The following ASB3 variants were observed in gnomAD, a reference collection of about 807,000 sequenced individuals.
ASB3 encodes the protein ankyrin repeat and SOCS box protein 3.
A neutral mutation model predicts 54.5 loss-of-function variants in ASB3; 41 were observed. The ratio of observed to expected loss-of-function variants is 0.75; its 90% CI spans 0.59 to 0.98. The LOEUF (loss-of-function observed/expected upper bound fraction) is 0.98, where lower values mean the gene tolerates loss of function less well. ASB3 is among the 50% of genes least tolerant of loss of function. The probability of loss-of-function intolerance (pLI) is 0.00; values close to 1 mark genes in which losing one functional copy is unlikely to be tolerated. For missense variants in ASB3, 733 were observed against 620.0 expected, an observed-to-expected ratio of 1.18 and a Z score of -1.94; for synonymous variants, 266 against 221.2, an observed-to-expected ratio of 1.20 and a Z score of -1.80.
Position 53,670,709 on chromosome 2 carries a change from C to G in ASB3, c.1370-19G>C. ...ACAGTGGCTGGAGAAACAAAAAAAG[C>G]AAGGTGAAACTTTTTTAAACAGAAA... On this transcript the variant is annotated intron_variant, in intron 9 of 9. Transcript: ENST00000263634. 6.3e-7 allele frequency: 1 copy of G among 1,588,118 alleles called. No homozygotes were observed. The highest frequency in any genetic ancestry group is 8.6e-7 in the Non-Finnish European group (1 of 1,169,340).
At chr2:53,747,438 C>T (rs555125430) in intron 3 of ASB3, among the ~76,000 whole-genome samples, 3 of 151,904 alleles carry the variant, frequency 2.0e-5, no homozygotes, top group Non-Finnish European at 4.4e-5. Flanking sequence ...CCCAGCTACT[C>T]GGGAGGCTGA....
intron 1 of ASB3, chr2:53,774,177 A>G: frequency 1.2e-6 from 2 of 1,612,264 alleles, no homozygotes; most frequent in Non-Finnish European, 8.5e-7. Context: ...GATTGCCAGT[A>G]GGAAAGGAAG....
intron 3 of ASB3, among the ~76,000 whole-genome samples, chr2:53,737,498 G>A (rs1671706453): frequency 6.6e-6 from 1 of 152,098 alleles, no homozygotes; most frequent in Admixed American, 6.6e-5. Context: ...CATGTACAAG[G>A]TAAGGCAAAT....
At chr2:53,728,444 C>A (rs1028703401) in intron 5 of ASB3, among the ~76,000 whole-genome samples, 9 of 152,236 alleles carry the variant, frequency 5.9e-5, no homozygotes, top group Admixed American at 2.0e-4. Flanking sequence ...GAAAGGACAG[C>A]CCCATCATTC....
intron 2 of ASB3, among the ~76,000 whole-genome samples, chr2:53,758,333 G>A (rs1381881687): frequency 6.6e-6 from 1 of 152,160 alleles, no homozygotes; most frequent in Non-Finnish European, 1.5e-5. Context: ...TTAATCCGGG[G>A]CAACAAAAAG....
At chr2:53,756,677 TC>T (rs1672846215) in intron 2 of ASB3, among the ~76,000 whole-genome samples, 1 of 152,140 alleles carries the variant, frequency 6.6e-6, no homozygotes, top group African/African-American at 2.4e-5. Context: ...GTATGGGAGC[TC>T]TGTTTTCACT....
intron 3 of ASB3, among the ~76,000 whole-genome samples, chr2:53,731,262 C>T (rs1255378590): frequency 2.0e-5 from 3 of 152,172 alleles, no homozygotes; most frequent in South Asian, 4.1e-4. Context: ...ATTAGCTGGG[C>T]ATGGTGGCAC....
chr2:53,767,734 T>C (rs1247579034), intron 1 of ASB3: 3 of 851,244 alleles, frequency 3.5e-6, no homozygotes, highest in Admixed American at 2.9e-5. Context: ...GGAAAATCTT[T>C]CTGGATCTAA....
chr2:53,721,156 A>G (rs1198030861), intron 5 of ASB3, among the ~76,000 whole-genome samples: 1 of 150,850 alleles, frequency 6.6e-6, no homozygotes, highest in Non-Finnish European at 1.5e-5. Context: ...AAATAAATAA[A>G]TAAATAAACT....
intron 3 of ASB3, among the ~76,000 whole-genome samples, chr2:53,739,969 C>A (rs1185038252): frequency 6.6e-6 from 1 of 152,224 alleles, no homozygotes; most frequent in Non-Finnish European, 1.5e-5. Flanking sequence ...CCACCACACC[C>A]AGCCTAGTCT....
At chr2:53,740,268 G>T (rs918193340) in intron 3 of ASB3, among the ~76,000 whole-genome samples, 1 of 152,032 alleles carries the variant, frequency 6.6e-6, no homozygotes, top group Admixed American at 6.6e-5. Flanking sequence ...GCTAGTTTAT[G>T]TAAAACTTTT....
intron 3 of ASB3, among the ~76,000 whole-genome samples, chr2:53,730,339 A>G (rs1047254972): frequency 2.0e-5 from 3 of 152,186 alleles, no homozygotes; most frequent in African/African-American, 4.8e-5. Flanking sequence ...CTACTGAGTG[A>G]CTTCTTTAAA....
At chr2:53,692,874 T>G (rs565976511) in intron 9 of ASB3, among the ~76,000 whole-genome samples, 2 of 152,276 alleles carry the variant, frequency 1.3e-5, no homozygotes, top group South Asian at 4.1e-4. Context: ...ACATTATCAT[T>G]AAAGAAATTC....
intron 2 of ASB3, chr2:53,763,453 T>C (rs1473372530): frequency 5.9e-6 from 1 of 169,314 alleles, no homozygotes; most frequent in Non-Finnish European, 1.5e-5. Flanking sequence ...ATTTGTAGGA[T>C]GTGGAACCCA....
intron 5 of ASB3, among the ~76,000 whole-genome samples, chr2:53,721,731 T>C (rs992069150): frequency 2.0e-5 from 3 of 152,132 alleles, no homozygotes; most frequent in Non-Finnish European, 2.9e-5. Context: ...GCTAAACATC[T>C]AGCTCAGAAA....
At chr2:53,706,817 C>T (rs1444197667) in intron 7 of ASB3, among the ~76,000 whole-genome samples, 1 of 152,154 alleles carries the variant, frequency 6.6e-6, no homozygotes, top group Non-Finnish European at 1.5e-5. Flanking sequence ...ATACTAGTTA[C>T]TAAGAGAAAT....
intron 3 of ASB3, among the ~76,000 whole-genome samples, chr2:53,739,112 G>A (rs1450364854): frequency 6.6e-6 from 1 of 152,260 alleles, no homozygotes; most frequent in East Asian, 1.9e-4. Flanking sequence ...TAATTTCTAG[G>A]GAGACATTTT....
At chr2:53,703,348 T>A (rs1351421901) in intron 7 of ASB3, among the ~76,000 whole-genome samples, 1 of 152,200 alleles carries the variant, frequency 6.6e-6, no homozygotes. Flanking sequence ...CTTTCCATCA[T>A]CCCTGGGAGT....
At chr2:53,728,582 C>G in intron 5 of ASB3, 130 bp downstream of exon 5, 1 of 1,222,900 alleles carries the variant, frequency 8.2e-7, no homozygotes, top group Non-Finnish European at 1.1e-6. Context: ...TGTATTTACT[C>G]TTATTTACCA....
Sources: gnomAD v4.1 joint callset for allele counts (sites outside exome capture counted in the v4.1 genomes callset) on GRCh38, gnomAD v4.1.1 for gene constraint, MANE v1.5 for transcripts, NCBI Gene and HGNC (gene_info 2026-07-23, HGNC 2026-07-21) for gene names.